The following ATL2 variants were observed in gnomAD, a reference collection of about 807,000 sequenced individuals.
ATL2 encodes atlastin GTPase 2, also known as atlastin-2.
In ATL2, 31 loss-of-function variants were observed where a neutral mutation model predicts 73.9. That is an observed-to-expected ratio of 0.42 (90% CI 0.32 to 0.57). ATL2 has a LOEUF of 0.57. ATL2 is among the 20% of genes least tolerant of loss of function. The pLI, the probability that ATL2 is intolerant of heterozygous loss-of-function variation, is 0.14. For missense variants in ATL2, 738 were observed against 702.6 expected (o/e 1.05, Z -0.57); for synonymous variants, 291 against 237.5 (o/e 1.23, Z -2.07).
Position 38,354,198 on chromosome 2 carries a change from G to C in ATL2, c.119-10686C>G, listed in dbSNP as rs774509658. The C allele has an allele frequency of 2.9e-5, 12 of 415,528 alleles. 1 individual carries two copies. The highest frequency in any genetic ancestry group is 4.6e-5 in the Non-Finnish European group (10 of 218,640). The allele number at this position is 415,528 out of a possible 1,614,324, so 25.7% of individuals were successfully genotyped here. On this transcript the variant is annotated intron_variant, in intron 1 of 12. Coordinates refer to ENST00000378954, the MANE Select transcript of ATL2 (RefSeq NM_001135673.4). ...AGACTCTGTCTCAAAAAAAAGCAAA[G>C]AGTATCTGTCATTAGCAGATGTGCA... is the stretch of plus-strand genomic sequence containing the variant.
chr2:38,363,596 A>G (rs1310439907), intron 1 of ATL2, among the ~76,000 whole-genome samples: 1 of 152,202 alleles, frequency 6.6e-6, no homozygotes, highest in Non-Finnish European at 1.5e-5. Flanking sequence ...ATCTTTGGCA[A>G]GATAAGCACA....
At chr2:38,314,778 C>A (rs963903825) in intron 5 of ATL2, 114 bp from the exon 6 acceptor site, 96 of 658,278 alleles carry the variant, frequency 1.5e-4, no homozygotes, top group South Asian at 7.1e-5. Flanking sequence ...CATTTCAAAG[C>A]CAAACATTTA....
chr2:38,377,073 G>A, intron 1 of ATL2, 70 bp downstream of exon 1: 4 of 1,464,848 alleles, frequency 2.7e-6, no homozygotes, highest in South Asian at 1.2e-5. Context: ...TGCGGCCGGT[G>A]CCCGCGAGCC....
intron 1 of ATL2, among the ~76,000 whole-genome samples, chr2:38,351,967 C>G (rs371473095): frequency 2.2e-4 from 33 of 151,532 alleles, no homozygotes; most frequent in African/African-American, 7.5e-4. Context: ...CAAAAATTAG[C>G]TGGGTGTGGT....
At chr2:38,357,292 C>T (rs952401375) in intron 1 of ATL2, among the ~76,000 whole-genome samples, 2 of 152,030 alleles carry the variant, frequency 1.3e-5, no homozygotes, top group Non-Finnish European at 2.9e-5. Context: ...CACGCCACTG[C>T]ACTCCAGCCT....
intron 1 of ATL2, among the ~76,000 whole-genome samples, chr2:38,345,114 G>A (rs1669946678): frequency 1.3e-5 from 2 of 152,162 alleles, no homozygotes; most frequent in South Asian, 4.2e-4. Context: ...GTAGCAACTA[G>A]TTACTCCTGG....
intron 1 of ATL2, among the ~76,000 whole-genome samples, chr2:38,354,479 T>TA (rs1573559091): frequency 6.6e-6 from 1 of 152,206 alleles, no homozygotes; most frequent in East Asian, 1.9e-4. Flanking sequence ...GTTATGATTT[T>TA]AAAGTGGAAA....
intron 2 of ATL2, among the ~76,000 whole-genome samples, chr2:38,325,270 A>G (rs550079242): frequency 6.6e-6 from 1 of 152,198 alleles, no homozygotes; most frequent in Admixed American, 6.5e-5. Context: ...CTTAGATCAA[A>G]GAATTGAGAT....
intron 4 of ATL2, among the ~76,000 whole-genome samples, chr2:38,315,775 C>A (rs1238137264): frequency 6.6e-6 from 1 of 152,112 alleles, no homozygotes; most frequent in East Asian, 1.9e-4. Context: ...TCAGAGTATA[C>A]AGTTACTCAG....
At chr2:38,332,122 T>A (rs1441846166) in intron 2 of ATL2, among the ~76,000 whole-genome samples, 1 of 152,074 alleles carries the variant, frequency 6.6e-6, no homozygotes, top group South Asian at 2.1e-4. Flanking sequence ...GAAAATAGAT[T>A]AGCGGTTCCT....
At chr2:38,360,541 C>T (rs958814434) in intron 1 of ATL2, among the ~76,000 whole-genome samples, 2 of 152,124 alleles carry the variant, frequency 1.3e-5, no homozygotes, top group Non-Finnish European at 2.9e-5. Flanking sequence ...CTCAGCCTCC[C>T]CAAAGTGCTG....
chr2:38,328,040 G>C (rs1668767796), intron 2 of ATL2, among the ~76,000 whole-genome samples: 1 of 152,126 alleles, frequency 6.6e-6, no homozygotes, highest in African/African-American at 2.4e-5. Flanking sequence ...TAGAAGTAAA[G>C]GTATGGGAAA....
At chr2:38,371,960 C>T (rs1573604813) in intron 1 of ATL2, among the ~76,000 whole-genome samples, 1 of 152,010 alleles carries the variant, frequency 6.6e-6, no homozygotes. Context: ...AGCCTCCATT[C>T]TAAATCCATT....
intron 2 of ATL2, among the ~76,000 whole-genome samples, chr2:38,320,845 C>G (rs1178036187): frequency 1.3e-5 from 2 of 151,904 alleles, no homozygotes; most frequent in African/African-American, 4.8e-5. Flanking sequence ...AAAACAAAAA[C>G]AAAAACAAAA....
At chr2:38,362,787 T>C (rs28510311) in intron 1 of ATL2, among the ~76,000 whole-genome samples, 18,616 of 152,166 alleles carry the variant, frequency 0.12, 3,364 homozygotes, top group African/African-American at 0.4. Flanking sequence ...ATATGTGTGA[T>C]GTCAGCTAGT....
rs572582709 is a variant in ATL2, at chr2:38,306,235, G to A, written c.1071+3144C>T. 6.2e-4 allele frequency among the ~76,000 whole-genome samples: 94 copies of A among 152,270 alleles called. 1 individual carries two copies. Among genetic ancestry groups the A allele is most frequent in the African/African-American group, 2.2e-3 (91 of 41,558 alleles). On this transcript the variant is annotated intron_variant, in intron 9 of 12. Coordinates refer to ENST00000378954, the MANE Select transcript of ATL2 (RefSeq NM_001135673.4). The stretch of plus-strand genomic sequence containing the variant: ...CGTACAGACCAATAACAAGTAACGA[G>A]ATCAAAGCCATAATAAAAAGTCTCC...
chr2:38,325,687 C>CACCAGT (rs1668587321), intron 2 of ATL2, among the ~76,000 whole-genome samples: 2 of 75,582 alleles, frequency 2.6e-5, no homozygotes, highest in African/African-American at 2.4e-4. Flanking sequence ...CACACACACA[C>CACCAGT]ACACACACCA....
chr2:38,298,492 T>G lies in ATL2; in HGVS notation c.1284A>C (p.Gln428His), dbSNP rs752038537. The G allele has an allele frequency of 6.2e-7, 1 of 1,614,168 alleles. No homozygotes were observed. The highest frequency in any genetic ancestry group is 2.2e-5 in the East Asian group (1 of 44,886). ...HLDLKEVAIK[Q>H]FRSVKKMGGD... ...CACCCATCTTTTTTACTGAACGAAA[T>G]TGTTTTATCGCCACTTCCTTGAGAT... The change falls in exon 12 of 13, where the codon CAA becomes CAC. Residue 428 changes from glutamine (Q) to histidine (H), a missense_variant. Physicochemically the swap from Gln to His is conservative, Grantham distance 24. Coordinates refer to ENST00000378954, the MANE Select transcript of ATL2 (RefSeq NM_001135673.4).
chr2:38,326,707 G>A (rs1668682763), intron 2 of ATL2, among the ~76,000 whole-genome samples: 1 of 152,214 alleles, frequency 6.6e-6, no homozygotes, highest in African/African-American at 2.4e-5. Context: ...CATGCAAGCA[G>A]CTGGGAGCAG....
Sources: allele counts gnomAD v4.1 joint callset (sites outside exome capture counted in the v4.1 genomes callset), GRCh38; gene constraint gnomAD v4.1.1; transcripts MANE v1.5; gene names NCBI Gene and HGNC (gene_info 2026-07-23, HGNC 2026-07-21).